Variants in LGI1 observed in about 807,000 individuals in gnomAD.
LGI1 encodes the protein leucine rich glioma inactivated 1, also known as leucine-rich glioma-inactivated protein 1.
LGI1 carries 11 observed loss-of-function variants against 57.7 expected under a neutral mutation model. That is an observed-to-expected ratio of 0.19 (90% CI 0.12 to 0.32). The LOEUF (loss-of-function observed/expected upper bound fraction) is 0.32. Ranked by LOEUF, LGI1 falls within the 10% of genes least tolerant of loss-of-function variation. The probability of loss-of-function intolerance (pLI) is 1.00; values close to 1 mark genes in which losing one functional copy is unlikely to be tolerated. For synonymous variants in LGI1, 222 were observed against 241.9 expected (o/e 0.92, Z 0.76); for missense variants, 422 against 661.9 (o/e 0.64, Z 3.98).
intron 2 of LGI1, chr10:93,767,475 A>G (rs182312159): frequency 6.6e-6 from 1 of 152,318 alleles, no homozygotes; most frequent in East Asian, 1.9e-4. Context: ...CACTTTTCTT[A>G]ACATCCCATA....
chr10:93,796,371 T>C (rs953236288), intron 7 of LGI1, among the ~76,000 whole-genome samples: 3 of 152,168 alleles, frequency 2.0e-5, no homozygotes, highest in African/African-American at 7.2e-5. Flanking sequence ...TTTGGTTATC[T>C]AAGATCTTAG....
intron 5 of LGI1, 65 bp from the exon 6 acceptor site, chr10:93,792,678 G>A (rs926759615): frequency 7.7e-5 from 117 of 1,512,086 alleles, no homozygotes; most frequent in Non-Finnish European, 1.0e-4. Flanking sequence ...AATTGTTGAT[G>A]TAGAACTCTT....
intron 5 of LGI1, chr10:93,790,717 A>G (rs956697778): frequency 2.0e-5 from 3 of 152,480 alleles, no homozygotes; most frequent in Admixed American, 2.0e-4. Context: ...GAATGAACTT[A>G]ATTATTTTTG....
chr10:93,760,582 G>C lies in LGI1; in HGVS notation c.287+1751G>C, dbSNP rs111243645. Among the ~76,000 whole-genome samples, 562 of 152,330 alleles carry C rather than the reference G, an allele frequency of 3.7e-3. 2 individuals carry two copies. Among genetic ancestry groups the C allele is most frequent in the African/African-American group, 0.013 (530 of 41,564 alleles). ...ATGGACATTAGCTGTGGCACAGAAA[G>C]CCTGGAGTGATTAACCTAATCAATT... On this transcript the variant is annotated intron_variant, in intron 2 of 7. Transcript: ENST00000371418.
intron 4 of LGI1, among the ~76,000 whole-genome samples, chr10:93,779,177 T>C (rs911226659): frequency 2.6e-5 from 4 of 151,672 alleles, no homozygotes; most frequent in African/African-American, 9.7e-5. Flanking sequence ...AAATGGAAAT[T>C]CATGACCTCA....
intron 2 of LGI1, chr10:93,769,390 C>T (rs1193277824): frequency 6.6e-6 from 1 of 152,166 alleles, no homozygotes; most frequent in Non-Finnish European, 1.5e-5. Context: ...TACCTAATAT[C>T]CTAGATGTCC....
chr10:93,783,455 T>C (rs1324962802), intron 4 of LGI1, among the ~76,000 whole-genome samples: 1 of 152,126 alleles, frequency 6.6e-6, no homozygotes, highest in African/African-American at 2.4e-5. Context: ...GAATGGTGCT[T>C]AGTTGAAGGC....
At chr10:93,783,011 G>A (rs1324288841) in intron 4 of LGI1, 3 of 152,262 alleles carry the variant, frequency 2.0e-5, no homozygotes, top group Non-Finnish European at 4.4e-5. Context: ...GTCTGCCTTT[G>A]AGAACACTTG....
chr10:93,773,669 C>T (rs888066123), intron 2 of LGI1, among the ~76,000 whole-genome samples: 3 of 152,304 alleles, frequency 2.0e-5, no homozygotes, highest in Middle Eastern at 3.4e-3. Context: ...CTCCCCTCTC[C>T]TCCCACAGCC....
intron 7 of LGI1, among the ~76,000 whole-genome samples, chr10:93,795,594 ATATATGCCCCATACTCAGTCAT>A (rs2059973666): frequency 6.6e-6 from 1 of 152,176 alleles, no homozygotes; most frequent in African/African-American, 2.4e-5. Context: ...CAGATGACAA[ATATATGCCCCATACTCAGTCAT>A]TATCCCTTCC....
At chr10:93,761,131 C>T (rs550719467) in intron 2 of LGI1, among the ~76,000 whole-genome samples, 5 of 152,222 alleles carry the variant, frequency 3.3e-5, no homozygotes, top group African/African-American at 4.8e-5. Flanking sequence ...AACTATGAAA[C>T]GATCATAACA....
chr10:93,769,031 TAGG>T (rs1009924992), intron 2 of LGI1: 3 of 152,392 alleles, frequency 2.0e-5, no homozygotes, highest in Non-Finnish European at 2.9e-5. Context: ...TTTTCTGTGT[TAGG>T]AGCATATTTT....
At chr10:93,785,460 G>A (rs2059887234) in intron 4 of LGI1, among the ~76,000 whole-genome samples, 1 of 152,198 alleles carries the variant, frequency 6.6e-6, no homozygotes, top group African/African-American at 2.4e-5. Flanking sequence ...CCAGAGAGGT[G>A]AAATTAACTT....
chr10:93,775,862 ATTT>A (rs2059789569), intron 2 of LGI1: 1 of 152,150 alleles, frequency 6.6e-6, no homozygotes, highest in Admixed American at 6.5e-5. Context: ...GTGTGTACCA[ATTT>A]CTTCCTTATT....
intron 7 of LGI1, chr10:93,794,841 A>C (rs2059966607): frequency 6.6e-6 from 1 of 152,182 alleles, no homozygotes; most frequent in South Asian, 2.1e-4. Flanking sequence ...CCTTTAGACA[A>C]GGCATGGAGG....
chr10:93,777,606 A>G lies in LGI1; in HGVS notation c.420A>G (p.Ser140=). 1.2e-6 allele frequency: 2 copies of G among 1,612,034 alleles called. No individual in the cohort carries two copies. The highest frequency in any genetic ancestry group is 1.1e-5 in the South Asian group (1 of 91,018). The stretch of plus-strand genomic sequence containing the variant: ...GACATACTTTCCGGGGACTAAAGTC[A>G]TTAATTCACTTGTAAGTATGAATGT... ...ISRHTFRGLK[S]LIHLSLANNN... is the part of the protein sequence containing the mutation. Residue 140 remains serine (S), a synonymous_variant, in exon 4 of 8, where the codon TCA becomes TCG. Coordinates refer to ENST00000371418, the MANE Select transcript of LGI1 (RefSeq NM_005097.4).
At chr10:93,771,173 C>T (rs2133992282) in intron 2 of LGI1, 1 of 152,212 alleles carries the variant, frequency 6.6e-6, no homozygotes, top group South Asian at 2.1e-4. Flanking sequence ...AATTATTCAA[C>T]AGAAAGCCTT....
chr10:93,790,079 C>CCT lies in LGI1; in HGVS notation c.432-20_432-19insCT, dbSNP rs371933363. 2.8e-6 allele frequency: 4 copies of CCT among 1,407,178 alleles called. No homozygotes were observed. The African/African-American group carries it at 6.0e-5, about 21-fold the overall frequency. The allele number at this position is 1,407,178 out of a possible 1,614,324, so 87.2% of individuals were successfully genotyped here. On this transcript the variant is annotated intron_variant, in intron 4 of 7. Coordinates refer to ENST00000371418, the MANE Select transcript of LGI1 (RefSeq NM_005097.4). ...AATTTATCACTACAGTTTACATCAC[C>CCT]TTTTTTTTTTTTTTTCCAGGAGCCT... is the stretch of plus-strand genomic sequence containing the variant.
intron 2 of LGI1, chr10:93,765,406 A>G (rs1326008625): frequency 4.6e-5 from 7 of 152,144 alleles, no homozygotes; most frequent in Non-Finnish European, 1.0e-4. Flanking sequence ...TAAACCAGAG[A>G]AGACATGTCT....
Sources: allele counts gnomAD v4.1 joint callset (sites outside exome capture counted in the v4.1 genomes callset), GRCh38; gene constraint gnomAD v4.1.1; transcripts MANE v1.5; gene names NCBI Gene and HGNC (gene_info 2026-07-23, HGNC 2026-07-21).